Variants in IL1RAPL1 observed in about 807,000 individuals in gnomAD.
The protein encoded by IL1RAPL1 is interleukin-1 receptor accessory protein-like 1.
A neutral mutation model predicts 48.4 loss-of-function variants in IL1RAPL1; 3 were observed. That is an observed-to-expected ratio of 0.06 (90% CI 0.03 to 0.16). The LOEUF (loss-of-function observed/expected upper bound fraction) is 0.16, where lower values mean the gene tolerates loss of function less well. IL1RAPL1 is among the 10% of genes least tolerant of loss of function. The probability of loss-of-function intolerance (pLI) is 1.00; values close to 1 mark genes in which losing one functional copy is unlikely to be tolerated. For synonymous variants in IL1RAPL1, 185 were observed against 187.7 expected (o/e 0.99, Z 0.12); for missense variants, 349 against 530.6 (o/e 0.66, Z 3.36).
intron 2 of IL1RAPL1, among the ~76,000 whole-genome samples, chrX:29,121,186 G>A (rs1928776370): frequency 9.0e-6 from 1 of 111,663 alleles, no homozygotes; most frequent in African/African-American, 3.3e-5. Flanking sequence ...ACAAGACAAG[G>A]ATGACTCCAC....
intron 2 of IL1RAPL1, among the ~76,000 whole-genome samples, chrX:29,188,341 TA>T (rs1424741133): frequency 1.8e-5 from 2 of 111,499 alleles, no homozygotes; most frequent in Non-Finnish European, 3.8e-5. Flanking sequence ...TAGTGCACAT[TA>T]AAAATTTTGA....
At chrX:28,800,847 TTTTATTTATTTATTTATTTATTTATTTA>T (rs201705177) in intron 2 of IL1RAPL1, among the ~76,000 whole-genome samples, 1 of 93,709 alleles carries the variant, frequency 1.1e-5, no homozygotes, top group Non-Finnish European at 2.1e-5. Context: ...ATTAAAGGGA[TTTTATTTATTTATTTATTTATTTATTTA>T]TTTATTTATT....
At chrX:29,889,478 A>G (rs1326372404) in intron 6 of IL1RAPL1, among the ~76,000 whole-genome samples, 2 of 111,726 alleles carry the variant, frequency 1.8e-5, no homozygotes, top group African/African-American at 6.5e-5. Context: ...TCTTTGTAAT[A>G]AGTATGAAAA....
intron 8 of IL1RAPL1, among the ~76,000 whole-genome samples, chrX:29,932,620 T>C (rs780648111): frequency 1.2e-4 from 13 of 111,491 alleles, no homozygotes; most frequent in African/African-American, 2.6e-4. Flanking sequence ...GACCCCTGTC[T>C]CTAAAATACT....
At chrX:29,248,908 A>T (rs1282723196) in intron 2 of IL1RAPL1, among the ~76,000 whole-genome samples, 1 of 112,255 alleles carries the variant, frequency 8.9e-6, no homozygotes, top group Non-Finnish European at 1.9e-5. Flanking sequence ...AAGATTGGAA[A>T]TTACTGACAT....
intron 2 of IL1RAPL1, among the ~76,000 whole-genome samples, chrX:29,259,962 CAGAAGACT>C (rs1453646366): frequency 8.9e-6 from 1 of 111,889 alleles, no homozygotes; most frequent in African/African-American, 3.2e-5. Flanking sequence ...TATGGAACTC[CAGAAGACT>C]GGAAACCATA....
chrX:29,600,038 C>T lies in IL1RAPL1; in HGVS notation c.704-68392C>T, dbSNP rs183641434. ...TTTACTGGTAATTTGGAGATTTCAT[C>T]TTGGTTTGCCTCCATTGCTGGTCAT... On this transcript the variant is annotated intron_variant, in intron 5 of 10. Transcript: ENST00000378993. Among the ~76,000 whole-genome samples, 3 of 112,080 alleles carry T rather than the reference C, an allele frequency of 2.7e-5. No homozygotes were observed. The East Asian group carries it at 8.3e-4, about 31-fold the overall frequency.
At chrX:29,186,641 G>T (rs1259841062) in intron 2 of IL1RAPL1, among the ~76,000 whole-genome samples, 1 of 110,765 alleles carries the variant, frequency 9.0e-6, no homozygotes, top group East Asian at 2.8e-4. Flanking sequence ...ACTGATCTAA[G>T]GTAGGACTGG....
intron 2 of IL1RAPL1, among the ~76,000 whole-genome samples, chrX:28,902,829 G>A (rs1359473012): frequency 9.0e-6 from 1 of 111,518 alleles, no homozygotes; most frequent in Non-Finnish European, 1.9e-5. Flanking sequence ...CAGATCAGCA[G>A]TGGCATTAGA....
intron 3 of IL1RAPL1, among the ~76,000 whole-genome samples, chrX:29,290,946 A>G (rs371206553): frequency 2.9e-3 from 321 of 111,948 alleles, no homozygotes; most frequent in African/African-American, 0.01. Context: ...CATTGGTAGG[A>G]CCACCAAAGT....
chrX:29,374,147 C>T (rs773646707), intron 3 of IL1RAPL1, among the ~76,000 whole-genome samples: 69 of 105,465 alleles, frequency 6.5e-4, no homozygotes, highest in Non-Finnish European at 1.2e-3. Flanking sequence ...ATGCTACCTT[C>T]GTATAATGAG....
rs1464506195 is a variant in IL1RAPL1, at chrX:29,611,750, C to T, written c.704-56680C>T. Among the ~76,000 whole-genome samples, 2 of 111,058 alleles carry T rather than the reference C, an allele frequency of 1.8e-5. 1 individual carries two copies. Among genetic ancestry groups the T allele is most frequent in the East Asian group, 5.6e-4 (2 of 3,553 alleles). On this transcript the variant is annotated intron_variant, in intron 5 of 10. Coordinates refer to ENST00000378993, the MANE Select transcript of IL1RAPL1 (RefSeq NM_014271.4). Reference sequence around the variant, plus strand: ...GGTGTCCAGGAAGAATCAGGTCAGACATGGACTTGAAGGATGTTGAATGCA... The same window carrying T: ...GGTGTCCAGGAAGAATCAGGTCAGATATGGACTTGAAGGATGTTGAATGCA...
chrX:28,792,816 A>AATATATATATATATATAT (rs1555924328), intron 2 of IL1RAPL1, among the ~76,000 whole-genome samples: 3 of 10,108 alleles, frequency 3.0e-4, no homozygotes, highest in Non-Finnish European at 5.3e-4. Flanking sequence ...AAAAAAAAAA[A>AATATATATATATATATAT]ATATATATAT....
intron 2 of IL1RAPL1, among the ~76,000 whole-genome samples, chrX:28,834,984 A>G (rs1337870030): frequency 8.9e-6 from 1 of 111,783 alleles, no homozygotes; most frequent in Non-Finnish European, 1.9e-5. Context: ...GCAAGGGTGC[A>G]GTGGAAGAAT....
chrX:28,839,724 T>C (rs1047883887), intron 2 of IL1RAPL1, among the ~76,000 whole-genome samples: 3 of 110,523 alleles, frequency 2.7e-5, no homozygotes, highest in Non-Finnish European at 3.8e-5. Flanking sequence ...ACTATTTAAA[T>C]GGGAAATAAT....
intron 5 of IL1RAPL1, among the ~76,000 whole-genome samples, chrX:29,653,900 TCTTA>T (rs926441879): frequency 5.6e-5 from 4 of 71,168 alleles, no homozygotes; most frequent in African/African-American, 1.8e-4. Context: ...AAATTAGGGC[TCTTA>T]TTTATTTATT....
intron 2 of IL1RAPL1, among the ~76,000 whole-genome samples, chrX:28,949,743 A>G (rs749897806): frequency 2.6e-4 from 28 of 109,216 alleles, no homozygotes; most frequent in African/African-American, 8.7e-4. Context: ...TCTTCTTTTG[A>G]GAAGTGTCTG....
chrX:28,727,717 C>G (rs1315802484), intron 1 of IL1RAPL1, among the ~76,000 whole-genome samples: 5 of 108,966 alleles, frequency 4.6e-5, no homozygotes, highest in African/African-American at 1.7e-4. Context: ...CCATCAATAC[C>G]TAATTTATTG....
intron 6 of IL1RAPL1, among the ~76,000 whole-genome samples, chrX:29,677,557 A>T (rs1038284393): frequency 4.5e-5 from 5 of 112,107 alleles, no homozygotes; most frequent in Non-Finnish European, 9.4e-5. Context: ...GATCACCCCC[A>T]TAAGTTTTCC....
Sources: allele counts gnomAD v4.1 joint callset (sites outside exome capture counted in the v4.1 genomes callset), GRCh38; gene constraint gnomAD v4.1.1; transcripts MANE v1.5; gene names NCBI Gene and HGNC (gene_info 2026-07-23, HGNC 2026-07-21).